Variants in TRAF3IP2 observed in about 807,000 individuals in gnomAD.
TRAF3IP2 encodes the protein E3 ubiquitin ligase TRAF3IP2.
Under a neutral mutation model 57.9 loss-of-function variants are expected in TRAF3IP2, and 35 were observed. The ratio of observed to expected loss-of-function variants is 0.60; its 90% CI spans 0.46 to 0.80. The LOEUF (loss-of-function observed/expected upper bound fraction) is 0.80, where lower values mean the gene tolerates loss of function less well. Ranked by LOEUF, TRAF3IP2 falls within the 30% of genes least tolerant of loss-of-function variation. The probability of loss-of-function intolerance (pLI) is 0.00; values close to 1 mark genes in which losing one functional copy is unlikely to be tolerated. For missense variants in TRAF3IP2, 556 were observed against 706.4 expected, an observed-to-expected ratio of 0.79 and a Z score of 2.41; for synonymous variants, 251 against 268.9, an observed-to-expected ratio of 0.93 and a Z score of 0.65.
chr6:111,589,071 C>CTTTTTT (rs372254400), intron 2 of TRAF3IP2, among the ~76,000 whole-genome samples: 1 of 123,150 alleles, frequency 8.1e-6, no homozygotes, highest in Non-Finnish European at 1.6e-5. Context: ...GAAAAATTAT[C>CTTTTTT]TTTTTTTTTT....
intron 1 of TRAF3IP2, among the ~76,000 whole-genome samples, chr6:111,602,950 A>G (rs995987834): frequency 4.6e-5 from 7 of 152,174 alleles, no homozygotes; most frequent in Non-Finnish European, 7.4e-5. Context: ...AAAGGGCTTG[A>G]GTTCAGCTGC....
intron 1 of TRAF3IP2, chr6:111,600,040 C>T (rs1796815947): frequency 6.6e-6 from 1 of 152,158 alleles, no homozygotes; most frequent in Non-Finnish European, 1.5e-5. Flanking sequence ...CCTCACTTTT[C>T]TCATCTGCAA....
intron 2 of TRAF3IP2, among the ~76,000 whole-genome samples, chr6:111,584,574 A>C (rs1252500495): frequency 6.6e-6 from 1 of 151,916 alleles, no homozygotes; most frequent in Non-Finnish European, 1.5e-5. Flanking sequence ...AGGTGGGTGG[A>C]TCTCTTGAGC....
In TRAF3IP2 at chr6:111,592,018, G is replaced by T; in HGVS notation, c.69C>A (p.Ile23=). 6.2e-7 allele frequency: 1 copy of T among 1,614,196 alleles called. No individual in the cohort carries two copies. The change falls in exon 2 of 9, where the codon ATC becomes ATA. Residue 23 remains isoleucine (I), a synonymous_variant. Transcript: ENST00000368761. ...EPYPSQLLKP[I]PEYSPEEESE... Reference sequence around the variant, plus strand: ...ATTCCTCTTCCGGGGAATATTCTGGGATTGGTTTCAGCAACTGACTTGGGT... The same window carrying T: ...ATTCCTCTTCCGGGGAATATTCTGGTATTGGTTTCAGCAACTGACTTGGGT...
rs1796545022 is a variant in TRAF3IP2, at chr6:111,592,091, G to A, written c.-5C>T. The A allele has an allele frequency of 5.0e-6, 8 of 1,610,792 alleles. No individual in the cohort carries two copies. Among genetic ancestry groups the A allele is most frequent in the Non-Finnish European group, 6.8e-6 (8 of 1,177,718 alleles). On this transcript the variant is annotated 5_prime_UTR_variant, in exon 2 of 9. Transcript: ENST00000368761. ...CACAGGAATGCTTCGGTTCATTCTAGTTTCTGGAACAAGAGAAAACATGCT... is the reference window on the plus strand; with the variant it reads ...CACAGGAATGCTTCGGTTCATTCTAATTTCTGGAACAAGAGAAAACATGCT...
At position 111,591,273 on chromosome 6, in the gene TRAF3IP2, C is replaced by A. The variant is rs757470698; in HGVS notation, c.814G>T (p.Asp272Tyr). The change falls in exon 2 of 9, where the codon GAT becomes TAT. Residue 272 changes from aspartate (D) to tyrosine (Y), a missense_variant. Coordinates refer to ENST00000368761, the MANE Select transcript of TRAF3IP2 (RefSeq NM_147686.4). This position sits in a 1 kb window ranked among gnomAD's most constrained non-coding sequence, Gnocchi z 4.9. The stretch of plus-strand genomic sequence containing the variant: ...GATCACTTACATGGCACCTGGTGAT[C>A]GGGACTTCCAGGACAATGGTAATGA... ...NYHYHCPGSP[D>Y]HQVPYGHDYP... is the part of the protein sequence containing the mutation. 1.3e-6 allele frequency: 2 copies of A among 1,486,336 alleles called. No homozygotes were observed. The highest frequency in any genetic ancestry group is 2.3e-5 in the Admixed American group (1 of 43,148). 92.1% of individuals were successfully genotyped at this position (1,486,336 alleles called of 1,614,324 possible).
At chr6:111,561,748 C>T (rs1464154292) in intron 8 of TRAF3IP2, among the ~76,000 whole-genome samples, 1 of 152,062 alleles carries the variant, frequency 6.6e-6, no homozygotes, top group African/African-American at 2.4e-5. Flanking sequence ...AATGGGAAAA[C>T]GGCACAAAAT....
chr6:111,563,157 C>G, intron 7 of TRAF3IP2, 118 bp from the exon 8 acceptor site: 1 of 717,096 alleles, frequency 1.4e-6, no homozygotes, highest in Non-Finnish European at 2.4e-6. Flanking sequence ...TTGAGTGCCA[C>G]ACACTTAACA....
intron 8 of TRAF3IP2, 151 bp from the exon 9 acceptor site, chr6:111,559,702 G>C: frequency 1.1e-6 from 1 of 898,740 alleles, no homozygotes; most frequent in Non-Finnish European, 1.7e-6. Flanking sequence ...CTTTTGGAAA[G>C]GTTTAGCATG....
intron 1 of TRAF3IP2, among the ~76,000 whole-genome samples, chr6:111,598,982 C>T (rs941914709): frequency 6.6e-6 from 1 of 152,062 alleles, no homozygotes; most frequent in Admixed American, 6.5e-5. Context: ...ATACAACTAC[C>T]TTGCCCTCCT....
At chr6:111,581,983 C>CA (rs139566331) in intron 2 of TRAF3IP2, among the ~76,000 whole-genome samples, 20 of 151,568 alleles carry the variant, frequency 1.3e-4, no homozygotes, top group East Asian at 3.9e-4. Context: ...GTCTCAAAAA[C>CA]AAAAAAAAGA....
intron 7 of TRAF3IP2, among the ~76,000 whole-genome samples, chr6:111,564,223 G>A (rs940005499): frequency 4.6e-5 from 7 of 151,672 alleles, no homozygotes; most frequent in African/African-American, 1.5e-4. Context: ...GTGTTTTTTC[G>A]GAACCACCTC....
chr6:111,574,720 G>A (rs1165590268), intron 4 of TRAF3IP2: 1 of 152,184 alleles, frequency 6.6e-6, no homozygotes, highest in African/African-American at 2.4e-5. Flanking sequence ...CCAGGGACAA[G>A]TCCACTCAAG....
intron 7 of TRAF3IP2, among the ~76,000 whole-genome samples, chr6:111,565,896 G>A (rs1178746392): frequency 6.6e-6 from 1 of 152,242 alleles, no homozygotes; most frequent in African/African-American, 2.4e-5. Context: ...CGACAATCCT[G>A]TAAGTATTAG....
chr6:111,596,769 A>T (rs1796705003), intron 1 of TRAF3IP2, among the ~76,000 whole-genome samples: 1 of 151,870 alleles, frequency 6.6e-6, no homozygotes, highest in Admixed American at 6.6e-5. Flanking sequence ...CCTGACTTTT[A>T]AAATTTTTTT....
intron 2 of TRAF3IP2, among the ~76,000 whole-genome samples, chr6:111,585,468 T>G (rs551286096): frequency 1.3e-5 from 2 of 152,362 alleles, no homozygotes; most frequent in Non-Finnish European, 2.9e-5. Flanking sequence ...TGAACCTCGA[T>G]GGCCAGGCAC....
At position 111,556,638 on chromosome 6, in the gene TRAF3IP2, A is replaced by G. The variant is rs1205075325; in HGVS notation, c.*2767T>C. 2.0e-5 allele frequency: 3 copies of G among 152,268 alleles called. No homozygotes were observed. Among genetic ancestry groups the G allele is most frequent in the Non-Finnish European group, 2.9e-5 (2 of 68,052 alleles). 9.4% of individuals were successfully genotyped at this position (152,268 alleles called of 1,614,324 possible). A position where few individuals can be genotyped will look rare whatever the true frequency, so the allele number is the denominator to read the frequency against. On this transcript the variant is annotated 3_prime_UTR_variant, in exon 9 of 9. Transcript: ENST00000368761. ...CTACGGAACTAATGTTACATGTCAG[A>G]AAGTCTTACAAATGAGTACTTATGT...
At chr6:111,587,018 T>C (rs1796357770) in intron 2 of TRAF3IP2, 1 of 152,148 alleles carries the variant, frequency 6.6e-6, no homozygotes, top group African/African-American at 2.4e-5. Flanking sequence ...TCATTGCTGC[T>C]GGAGGCCTCA....
In TRAF3IP2 at chr6:111,555,748, G is replaced by C. The variant is rs1436412802; in HGVS notation, c.*3657C>G. ...TCTAAAGATGAATGCCTGAGGACCAGCATAACATCTAAATCAACCGAGTGT... is the reference window on the plus strand; with the variant it reads ...TCTAAAGATGAATGCCTGAGGACCACCATAACATCTAAATCAACCGAGTGT... On this transcript the variant is annotated 3_prime_UTR_variant, in exon 9 of 9. Coordinates refer to ENST00000368761, the MANE Select transcript of TRAF3IP2 (RefSeq NM_147686.4). Among the ~76,000 whole-genome samples, 1 of 152,166 alleles carries C rather than the reference G, an allele frequency of 6.6e-6. No homozygotes were observed. The highest frequency in any genetic ancestry group is 2.4e-5 in the African/African-American group (1 of 41,440).
Sources: gnomAD v4.1 joint callset for allele counts (sites outside exome capture counted in the v4.1 genomes callset) on GRCh38, gnomAD v4.1.1 for gene constraint, Gnocchi (gnomAD v3.1) non-coding constraint, MANE v1.5 for transcripts, NCBI Gene and HGNC (gene_info 2026-07-23, HGNC 2026-07-21) for gene names.